Variants in ERICH1 observed in about 807,000 individuals in gnomAD.
ERICH1 encodes the protein glutamate-rich protein 1.
Under a neutral mutation model 39.6 loss-of-function variants are expected in ERICH1, and 56 were observed. The ratio of observed to expected loss-of-function variants is 1.41; its 90% CI spans 1.14 to 1.77. The LOEUF (loss-of-function observed/expected upper bound fraction) is 1.77, where lower values mean the gene tolerates loss of function less well. Among genes scored for constraint, ERICH1 ranks in the 40% most tolerant of loss-of-function variants. The pLI is 0.00. For missense variants in ERICH1, 826 were observed against 575.4 expected (o/e 1.44, Z -4.45); for synonymous variants, 313 against 223.6 (o/e 1.40, Z -3.57).
intron 3 of ERICH1, chr8:626,961 T>A (rs1797623583): frequency 2.7e-6 from 1 of 374,702 alleles, no homozygotes; most frequent in South Asian, 1.9e-5. Flanking sequence ...CAACCCGAGC[T>A]GTGCCGTGGA....
At chr8:632,304 G>A (rs1584966870) in intron 3 of ERICH1, among the ~76,000 whole-genome samples, 1 of 151,102 alleles carries the variant, frequency 6.6e-6, no homozygotes, top group Non-Finnish European at 1.5e-5. Context: ...ATCCAGTCTT[G>A]CTGACAATTT....
At chr8:715,043 G>C (rs116336161) in intron 2 of ERICH1, among the ~76,000 whole-genome samples, 20 of 151,870 alleles carry the variant, frequency 1.3e-4, no homozygotes, top group Non-Finnish European at 2.4e-4. Context: ...GTCTATTCCC[G>C]TGTCTCTCGG....
intron 2 of ERICH1, among the ~76,000 whole-genome samples, chr8:703,421 G>A (rs537479453): frequency 2.3e-4 from 35 of 152,286 alleles, no homozygotes; most frequent in East Asian, 5.8e-4. Flanking sequence ...CAGCAGACAC[G>A]AGATCTGCTC....
In ERICH1 at chr8:692,582, C is replaced by T. The variant is rs141450629; in HGVS notation, c.200G>A (p.Arg67Gln). Residue 67 changes from arginine (R) to glutamine (Q), a missense_variant, in exon 3 of 6, where the codon CGG becomes CAG. Transcript: ENST00000262109. ...DTGSETPTAR[R>Q]LYTASGPPEG... ...AGGAGGCCCGCTGGCAGTGTAGAGC[C>T]GTCGGGCAGTCGGGGTCTCAGAGCC... 46 of 1,607,186 alleles carry T rather than the reference C, an allele frequency of 2.9e-5. No homozygotes were observed. The highest frequency in any genetic ancestry group is 2.2e-4 in the Admixed American group (13 of 59,078).
At chr8:620,344 A>G (rs1395958454) in intron 3 of ERICH1, among the ~76,000 whole-genome samples, 1 of 152,172 alleles carries the variant, frequency 6.6e-6, no homozygotes, top group African/African-American at 2.4e-5. Flanking sequence ...AAAGAAAACA[A>G]AAAGCATAAT....
chr8:690,043 C>T (rs1784877971), intron 3 of ERICH1, among the ~76,000 whole-genome samples: 1 of 152,166 alleles, frequency 6.6e-6, no homozygotes, highest in Admixed American at 6.5e-5. Flanking sequence ...CACTAACAGG[C>T]CAGAGGTTTA....
chr8:717,062 C>G (rs926530283), intron 1 of ERICH1, among the ~76,000 whole-genome samples: 1 of 152,314 alleles, frequency 6.6e-6, no homozygotes, highest in South Asian at 2.1e-4. Flanking sequence ...GAGCACAGAG[C>G]TCAGTGGGAG....
At chr8:661,015 G>A (rs530442600), downstream of ERICH1, among the ~76,000 whole-genome samples, 2 of 152,284 alleles carry the variant, frequency 1.3e-5, no homozygotes, top group South Asian at 4.1e-4. Context: ...CAGGATTCAC[G>A]CAGTGGACCA....
At chr8:683,198 T>C (rs898127795) in intron 3 of ERICH1, among the ~76,000 whole-genome samples, 3 of 152,108 alleles carry the variant, frequency 2.0e-5, no homozygotes, top group Non-Finnish European at 4.4e-5. Context: ...GGACAAGCGG[T>C]GGCTGTGGCT....
chr8:622,774 G>C (rs1175463346), intron 3 of ERICH1, among the ~76,000 whole-genome samples: 2 of 151,952 alleles, frequency 1.3e-5, no homozygotes, highest in Non-Finnish European at 2.9e-5. Context: ...GCAACATAGT[G>C]AGACCGTGTC....
chr8:703,231 C>G (rs1261906206), intron 2 of ERICH1, among the ~76,000 whole-genome samples: 1 of 152,156 alleles, frequency 6.6e-6, no homozygotes. Context: ...CAGTAAGATA[C>G]AGATGAAGGT....
At chr8:689,391 G>A (rs189102875) in intron 3 of ERICH1, among the ~76,000 whole-genome samples, 3 of 152,236 alleles carry the variant, frequency 2.0e-5, no homozygotes, top group East Asian at 1.9e-4. Flanking sequence ...AATTACAGGC[G>A]TGAGCCACTG....
intron 2 of ERICH1, among the ~76,000 whole-genome samples, chr8:703,876 G>A (rs1168906941): frequency 6.6e-6 from 1 of 152,318 alleles, no homozygotes; most frequent in Middle Eastern, 3.4e-3. Context: ...AAACGATCAA[G>A]GAAACAAGAG....
chr8:699,043 C>A (rs1811048431), intron 2 of ERICH1, among the ~76,000 whole-genome samples: 1 of 151,928 alleles, frequency 6.6e-6, no homozygotes, highest in Non-Finnish European at 1.5e-5. Context: ...GAGCTCAGGG[C>A]CGTGGGTGCC....
chr8:634,040 A>G (rs984257310), intron 3 of ERICH1, among the ~76,000 whole-genome samples: 1 of 152,202 alleles, frequency 6.6e-6, no homozygotes, highest in African/African-American at 2.4e-5. Flanking sequence ...CTGCGTGGAA[A>G]CAAAAACATT....
chr8:618,755 C>G (rs1255681426), intron 3 of ERICH1, among the ~76,000 whole-genome samples: 1 of 152,148 alleles, frequency 6.6e-6, no homozygotes, highest in Non-Finnish European at 1.5e-5. Context: ...GTGTCGTGGA[C>G]TACCCTGCTA....
intron 1 of ERICH1, among the ~76,000 whole-genome samples, chr8:721,346 G>C (rs966131110): frequency 6.6e-6 from 1 of 152,206 alleles, no homozygotes; most frequent in Non-Finnish European, 1.5e-5. Flanking sequence ...CTTTCCACCA[G>C]CTAATATTGC....
At chr8:641,863 G>A (rs1239652060) in intron 3 of ERICH1, among the ~76,000 whole-genome samples, 1 of 152,214 alleles carries the variant, frequency 6.6e-6, no homozygotes, top group South Asian at 2.1e-4. Context: ...ACCCCACGGT[G>A]CCTCTGGCCG....
intron 3 of ERICH1, among the ~76,000 whole-genome samples, chr8:622,537 G>C (rs935049292): frequency 2.0e-5 from 3 of 152,198 alleles, no homozygotes; most frequent in Non-Finnish European, 2.9e-5. Context: ...CCAGCCTCCA[G>C]AACTGTGACC....
Sources: allele counts gnomAD v4.1 joint callset (sites outside exome capture counted in the v4.1 genomes callset), GRCh38; gene constraint gnomAD v4.1.1; transcripts MANE v1.5; gene names NCBI Gene and HGNC (gene_info 2026-07-23, HGNC 2026-07-21).